The following MVB12B variants were observed in gnomAD, a reference collection of about 807,000 sequenced individuals.
The protein encoded by MVB12B is ESCRT-I complex subunit MVB12B.
A neutral mutation model predicts 41.6 loss-of-function variants in MVB12B; 16 were observed. That is an observed-to-expected ratio of 0.38 (90% CI 0.26 to 0.58). The LOEUF (loss-of-function observed/expected upper bound fraction) is 0.58. Ranked by LOEUF, MVB12B falls within the 20% of genes least tolerant of loss-of-function variation. The pLI, the probability that MVB12B is intolerant of heterozygous loss-of-function variation, is 0.62. For missense variants in MVB12B, 274 were observed against 380.2 expected (o/e 0.72, Z 2.32); for synonymous variants, 133 against 139.7 (o/e 0.95, Z 0.34).
intron 2 of MVB12B, among the ~76,000 whole-genome samples, chr9:126,345,941 T>C (rs1829574561): frequency 2.6e-5 from 4 of 152,238 alleles, no homozygotes; most frequent in African/African-American, 9.6e-5. Context: ...AAATGTTTAT[T>C]GGCCACTTAG....
chr9:126,503,163 A>G lies in MVB12B; in HGVS notation c.874-14A>G. 1 of 1,549,132 alleles carries G rather than the reference A, an allele frequency of 6.5e-7. No homozygotes were observed. Among genetic ancestry groups the G allele is most frequent in the Non-Finnish European group, 8.7e-7 (1 of 1,145,738 alleles). ...GGACTGACTGTGTCTCTCTGTCCCC[A>G]CCCGCCCCTGCAGTACGAGTACAGC... On this transcript the variant is annotated splice_polypyrimidine_tract_variant and intron_variant, in intron 9 of 9. Coordinates refer to ENST00000361171, the MANE Select transcript of MVB12B (RefSeq NM_033446.3).
rs1829402948 is a variant in MVB12B, at chr9:126,340,177, C to G, written c.82-331C>G. ...CGTGTCTGACATGTCTTCAGAGCAGCTACTGGTATCTGTTCAGAAATCAAG... is the reference window on the plus strand; with the variant it reads ...CGTGTCTGACATGTCTTCAGAGCAGGTACTGGTATCTGTTCAGAAATCAAG... On this transcript the variant is annotated intron_variant, in intron 1 of 9. Transcript: ENST00000361171. The surrounding 1 kb of genome is among the most constrained non-coding windows in gnomAD (Gnocchi z 4.0). Among the ~76,000 whole-genome samples the G allele has an allele frequency of 6.6e-6, 1 of 152,046 alleles. No homozygotes were observed. Among genetic ancestry groups the G allele is most frequent in the Non-Finnish European group, 1.5e-5 (1 of 68,028 alleles).
At chr9:126,331,208 G>A (rs1829121942) in intron 1 of MVB12B, among the ~76,000 whole-genome samples, 2 of 152,276 alleles carry the variant, frequency 1.3e-5, no homozygotes, top group South Asian at 4.1e-4. Context: ...TAGTGGCTGT[G>A]CCATTTTACA....
At chr9:126,426,680 G>A (rs74357525) in intron 7 of MVB12B, among the ~76,000 whole-genome samples, 5,301 of 151,946 alleles carry the variant, frequency 0.035, 124 homozygotes, top group Middle Eastern at 0.051. Context: ...AAATACATAC[G>A]GCCAAATGAA....
chr9:126,482,185 CAG>C (rs1333630937), intron 8 of MVB12B, among the ~76,000 whole-genome samples: 28 of 52,444 alleles, frequency 5.3e-4, no homozygotes, highest in South Asian at 2.2e-3. Flanking sequence ...CCCAAGGTGG[CAG>C]TGGCCCCCTC....
intron 2 of MVB12B, among the ~76,000 whole-genome samples, chr9:126,355,556 G>T (rs1464130839): frequency 6.6e-6 from 1 of 152,198 alleles, no homozygotes; most frequent in African/African-American, 2.4e-5. Context: ...ATAACTTAAG[G>T]CCTGCTGGCT....
At chr9:126,481,564 C>T (rs1272759538) in intron 8 of MVB12B, 140 bp downstream of exon 8, 2 of 713,884 alleles carry the variant, frequency 2.8e-6, no homozygotes, top group Middle Eastern at 3.8e-4. Context: ...GCCTGCGTGT[C>T]CTCTCTCCCA....
At chr9:126,488,431 G>A (rs1298183012) in intron 9 of MVB12B, among the ~76,000 whole-genome samples, 6 of 151,550 alleles carry the variant, frequency 4.0e-5, no homozygotes, top group Non-Finnish European at 5.9e-5. Context: ...CGTGCCTCCC[G>A]CTCGTCCAGA....
At chr9:126,471,870 AC>A (rs1471857779) in intron 7 of MVB12B, among the ~76,000 whole-genome samples, 1 of 152,188 alleles carries the variant, frequency 6.6e-6, no homozygotes, top group African/African-American at 2.4e-5. Flanking sequence ...CTCATTGTTC[AC>A]CAGCATCTCT....
At chr9:126,375,887 G>A (rs968697108) in intron 2 of MVB12B, among the ~76,000 whole-genome samples, 3 of 152,112 alleles carry the variant, frequency 2.0e-5, no homozygotes, top group Admixed American at 6.5e-5. Context: ...TATGTGACCC[G>A]TTATTTTTCT....
chr9:126,393,925 A>C (rs1305764275), intron 5 of MVB12B, among the ~76,000 whole-genome samples: 1 of 152,260 alleles, frequency 6.6e-6, no homozygotes, highest in Non-Finnish European at 1.5e-5. Context: ...TGTATCAGCC[A>C]GGGCCTTTCT....
At position 126,486,178 on chromosome 9, in the gene MVB12B, T is replaced by C. The variant is rs1833615414; in HGVS notation, c.873+2146T>C. ...AACCAACCTGATTGTCATATATAGA[T>C]TTTTTTTTCTTTTTTTGATAACTCA... On this transcript the variant is annotated intron_variant, in intron 9 of 9. Transcript: ENST00000361171. The surrounding 1 kb of genome is among the most constrained non-coding windows in gnomAD (Gnocchi z 4.7). Among the ~76,000 whole-genome samples the C allele has an allele frequency of 6.6e-6, 1 of 150,446 alleles. No homozygotes were observed. Among genetic ancestry groups the C allele is most frequent in the Non-Finnish European group, 1.5e-5 (1 of 67,942 alleles).
At chr9:126,327,437 C>T in intron 1 of MVB12B, 8 of 581,682 alleles carry the variant, frequency 1.4e-5, no homozygotes, top group Non-Finnish European at 1.7e-5. Context: ...CCAACGTGCA[C>T]CTGCCCCAGG....
rs74573956 is a variant in MVB12B at position 126,405,087 on chromosome 9, G to T, written c.662+9390G>T. ...CTATTTAATGAAGAATTGACGATTCGTCAGTTCAGCTCCCGCTTCGGAGCT... is the reference window on the plus strand; with the variant it reads ...CTATTTAATGAAGAATTGACGATTCTTCAGTTCAGCTCCCGCTTCGGAGCT... On this transcript the variant is annotated intron_variant, in intron 6 of 9. Coordinates refer to ENST00000361171, the MANE Select transcript of MVB12B (RefSeq NM_033446.3). Among the ~76,000 whole-genome samples, 612 of 152,278 alleles carry T rather than the reference G, an allele frequency of 4.0e-3. 2 individuals carry two copies. Among genetic ancestry groups the T allele is most frequent in the Non-Finnish European group, 6.4e-3 (432 of 68,028 alleles).
rs777288002 is a variant in MVB12B, at chr9:126,392,059, C to A, written c.410-7C>A. The A allele has an allele frequency of 1.2e-6, 2 of 1,614,134 alleles. No homozygotes were observed. Among genetic ancestry groups the A allele is most frequent in the Admixed American group, 3.3e-5 (2 of 60,030 alleles). ...ACTCATACCTTTTCTATTGTCCTTT[C>A]CTTCAGAGGAAGTGGCTTTTAGGAA... On this transcript the variant is annotated splice_polypyrimidine_tract_variant and splice_region_variant and intron_variant, in intron 4 of 9. Coordinates refer to ENST00000361171, the MANE Select transcript of MVB12B (RefSeq NM_033446.3). This position sits in a 1 kb window ranked among gnomAD's most constrained non-coding sequence, Gnocchi z 4.8.
chr9:126,443,807 C>T (rs1204208505), intron 7 of MVB12B, among the ~76,000 whole-genome samples: 1 of 152,182 alleles, frequency 6.6e-6, no homozygotes, highest in Non-Finnish European at 1.5e-5. Flanking sequence ...ACAGGATAGC[C>T]GCCTCCAGAA....
chr9:126,338,177 A>C (rs188402589), intron 1 of MVB12B, among the ~76,000 whole-genome samples: 1 of 152,314 alleles, frequency 6.6e-6, no homozygotes, highest in Non-Finnish European at 1.5e-5. Context: ...TCCGGGGCAC[A>C]GCAGCTGGGG....
At chr9:126,421,055 T>C (rs919454409) in intron 6 of MVB12B, among the ~76,000 whole-genome samples, 2 of 152,214 alleles carry the variant, frequency 1.3e-5, no homozygotes, top group African/African-American at 2.4e-5. Context: ...TGTTGTTTTT[T>C]TCCCCCAGTC....
chr9:126,406,723 C>T (rs191077351), intron 6 of MVB12B, among the ~76,000 whole-genome samples: 14 of 152,032 alleles, frequency 9.2e-5, no homozygotes, highest in Non-Finnish European at 1.3e-4. Context: ...TATGGGAGGT[C>T]GGTGTTTTGG....
Sources: gnomAD v4.1 joint callset for allele counts (sites outside exome capture counted in the v4.1 genomes callset) on GRCh38, gnomAD v4.1.1 for gene constraint, Gnocchi (gnomAD v3.1) non-coding constraint, MANE v1.5 for transcripts, NCBI Gene and HGNC (gene_info 2026-07-23, HGNC 2026-07-21) for gene names.